Variants in PLEKHG1 observed in about 807,000 individuals in gnomAD.
The protein encoded by PLEKHG1 is pleckstrin homology and RhoGEF domain containing G1, also known as pleckstrin homology domain-containing family G member 1.
In PLEKHG1, 44 loss-of-function variants were observed where a neutral mutation model predicts 100.8. That is an observed-to-expected ratio of 0.44 (90% confidence interval 0.34 to 0.56). The LOEUF (loss-of-function observed/expected upper bound fraction) is 0.56, where lower values mean the gene tolerates loss of function less well. Among genes scored for constraint, PLEKHG1 ranks in the 20% least tolerant of loss-of-function variants. PLEKHG1 has a pLI of 0.01. For synonymous variants in PLEKHG1, 640 were observed against 662.5 expected, an observed-to-expected ratio of 0.97 and a Z score of 0.52; for missense variants, 1,545 against 1,720.9, an observed-to-expected ratio of 0.90 and a Z score of 1.81.
chr6:150,766,240 T>G (rs1344803034), intron 2 of PLEKHG1, among the ~76,000 whole-genome samples: 2 of 152,212 alleles, frequency 1.3e-5, no homozygotes, highest in Non-Finnish European at 2.9e-5. Context: ...TGCAAAAGTT[T>G]TAAATTGATC....
At chr6:150,672,253 C>T (rs1779610428) in intron 3 of PLEKHG1, among the ~76,000 whole-genome samples, 2 of 152,206 alleles carry the variant, frequency 1.3e-5, no homozygotes, top group South Asian at 4.1e-4. Flanking sequence ...TGCAAGTACT[C>T]CCTCCTTCTC....
chr6:150,684,107 A>G (rs1780030142), intron 3 of PLEKHG1, among the ~76,000 whole-genome samples: 1 of 152,204 alleles, frequency 6.6e-6, no homozygotes, highest in African/African-American at 2.4e-5. Flanking sequence ...TGACTTCAAG[A>G]AGCCCTCAGG....
intron 3 of PLEKHG1, among the ~76,000 whole-genome samples, chr6:150,684,601 G>T (rs1780053764): frequency 6.6e-6 from 1 of 152,172 alleles, no homozygotes. Context: ...TTGGACTTCT[G>T]ATTGGCCCAT....
chr6:150,599,919 G>A, exon 1 of PLEKHG1: 1 of 193,060 alleles, frequency 5.2e-6, no homozygotes, highest in South Asian at 7.2e-5. Flanking sequence ...GACGGCGGCT[G>A]CAGGGCGCTC....
At chr6:150,797,250 G>A (rs1463344158) in intron 5 of PLEKHG1, among the ~76,000 whole-genome samples, 2 of 152,272 alleles carry the variant, frequency 1.3e-5, no homozygotes, top group East Asian at 1.9e-4. Context: ...AAAGTGGATG[G>A]TGGGATCCAC....
At chr6:150,752,954 A>T (rs1450323884) in intron 2 of PLEKHG1, among the ~76,000 whole-genome samples, 3 of 152,104 alleles carry the variant, frequency 2.0e-5, no homozygotes, top group East Asian at 3.9e-4. Flanking sequence ...TCTACAAAAA[A>T]ATACAAAAAT....
chr6:150,767,186 AT>A (rs1410613061), intron 2 of PLEKHG1, among the ~76,000 whole-genome samples: 1 of 152,052 alleles, frequency 6.6e-6, no homozygotes, highest in Non-Finnish European at 1.5e-5. Context: ...CATTCTTTCA[AT>A]TCTGGCCTCC....
intron 2 of PLEKHG1, among the ~76,000 whole-genome samples, chr6:150,758,328 T>C (rs1279214851): frequency 2.3e-5 from 3 of 130,142 alleles, no homozygotes; most frequent in African/African-American, 3.7e-5. Context: ...CTAGCATCTG[T>C]TTCTTGACTT....
At chr6:150,704,461 G>A (rs537149288) in intron 3 of PLEKHG1, among the ~76,000 whole-genome samples, 1 of 152,332 alleles carries the variant, frequency 6.6e-6, no homozygotes, top group East Asian at 1.9e-4. Context: ...CTTGAAGTCT[G>A]TCATCCTTGA....
At chr6:150,641,030 ATCTGT>A (rs1778235454) in intron 2 of PLEKHG1, among the ~76,000 whole-genome samples, 3 of 152,140 alleles carry the variant, frequency 2.0e-5, no homozygotes, top group African/African-American at 7.2e-5. Flanking sequence ...GCTCTAGCTT[ATCTGT>A]GCACTACAAG....
Position 150,831,321 on chromosome 6 carries a change from T to C in PLEKHG1, c.2210T>C (p.Val737Ala). ...CAAAGCACGCATGAACTCCAAGCGG[T>C]TGAGGAGAACATCTATGACACCATA... Residue 737 changes from valine (V) to alanine (A), a missense_variant, in exon 15 of 16, where the codon GTT (valine) becomes GCT (alanine). Val to Ala is a moderately conservative substitution (Grantham distance 64). Coordinates refer to ENST00000358517, the Ensembl canonical transcript of PLEKHG1. The surrounding 1 kb of genome is among the most constrained non-coding windows in gnomAD (Gnocchi z 4.1). 6.2e-7 allele frequency: 1 copy of C among 1,614,106 alleles called. No individual in the cohort carries two copies. The highest frequency in any genetic ancestry group is 8.5e-7 in the Non-Finnish European group (1 of 1,180,012).
At chr6:150,628,838 A>G (rs1777623040) in intron 1 of PLEKHG1, among the ~76,000 whole-genome samples, 1 of 152,198 alleles carries the variant, frequency 6.6e-6, no homozygotes, top group Admixed American at 6.5e-5. Context: ...GCACTACTCC[A>G]GGTAAGAATG....
In PLEKHG1 at chr6:150,840,575, CTA is replaced by C; in HGVS notation, c.3839_3840del (p.Tyr1280CysfsTer9). 12 of 1,614,144 alleles carry C rather than the reference CTA, an allele frequency of 7.4e-6. No individual in the cohort carries two copies. The highest frequency in any genetic ancestry group is 1.0e-5 in the Non-Finnish European group (12 of 1,180,008). On this transcript the variant is annotated frameshift_variant, in exon 16 of 16. Transcript: ENST00000358517. LOFTEE classifies it low-confidence loss of function (END_TRUNC). ...AAGAGACTGATGGAGATGAAGATGA[CTA>C]TGTGGAAATCAAGTCAGAAGAAGAT...
chr6:150,743,336 C>T (rs1782981925), intron 2 of PLEKHG1, among the ~76,000 whole-genome samples: 1 of 152,022 alleles, frequency 6.6e-6, no homozygotes, highest in East Asian at 1.9e-4. Flanking sequence ...GCCTGACCAG[C>T]ATGGTGAAAC....
intron 1 of PLEKHG1, among the ~76,000 whole-genome samples, chr6:150,726,449 T>A (rs947401608): frequency 1.3e-5 from 2 of 152,212 alleles, no homozygotes; most frequent in Admixed American, 6.5e-5. Context: ...ATACATTTTT[T>A]AATTTAAAAC....
intron 3 of PLEKHG1, among the ~76,000 whole-genome samples, chr6:150,775,640 G>T (rs967632445): frequency 6.6e-6 from 1 of 152,096 alleles, no homozygotes; most frequent in Admixed American, 6.5e-5. Context: ...TGTCTGAGGG[G>T]GACTTTACAG....
chr6:150,622,122 G>A (rs371243984), intron 1 of PLEKHG1, among the ~76,000 whole-genome samples: 11 of 152,050 alleles, frequency 7.2e-5, no homozygotes, highest in East Asian at 3.9e-4. Flanking sequence ...TATATCAGAC[G>A]GAAGGGAGCA....
At chr6:150,780,557 G>A (rs749798528) in intron 3 of PLEKHG1, among the ~76,000 whole-genome samples, 6 of 151,880 alleles carry the variant, frequency 4.0e-5, no homozygotes, top group South Asian at 2.1e-4. Flanking sequence ...CATTTACCCC[G>A]AGATAACTTT....
intron 2 of PLEKHG1, among the ~76,000 whole-genome samples, chr6:150,646,472 A>G (rs1453506549): frequency 1.3e-5 from 2 of 152,080 alleles, no homozygotes; most frequent in Non-Finnish European, 2.9e-5. Flanking sequence ...TGTTGGTGCG[A>G]ATGCCAGAAG....
Sources: allele counts gnomAD v4.1 joint callset (sites outside exome capture counted in the v4.1 genomes callset), GRCh38; gene constraint gnomAD v4.1.1; non-coding constraint Gnocchi (gnomAD v3.1); transcripts MANE v1.5; gene names NCBI Gene and HGNC (gene_info 2026-07-23, HGNC 2026-07-21).